The following CATSPERE variants were observed in gnomAD, a reference collection of about 807,000 sequenced individuals.
CATSPERE encodes cation channel sperm-associated auxiliary subunit epsilon.
A neutral mutation model predicts 114.1 loss-of-function variants in CATSPERE; 93 were observed. The observed-to-expected ratio is 0.81, with a 90% CI of 0.69 to 0.97. The LOEUF (loss-of-function observed/expected upper bound fraction) is 0.97. Ranked by LOEUF, CATSPERE falls within the 50% of genes least tolerant of loss-of-function variation. The probability of loss-of-function intolerance (pLI) is 0.00; values close to 1 mark genes in which losing one functional copy is unlikely to be tolerated. For missense variants in CATSPERE, 1,058 were observed against 1,131.6 expected (o/e 0.93, Z 0.93); for synonymous variants, 341 against 384.1 (o/e 0.89, Z 1.31).
intron 8 of CATSPERE, among the ~76,000 whole-genome samples, chr1:244,529,542 G>A (rs1198697856): frequency 6.6e-6 from 1 of 151,920 alleles, no homozygotes; most frequent in Non-Finnish European, 1.5e-5. Context: ...TGTTGTTTGA[G>A]CTCTTTATAT....
intron 17 of CATSPERE, among the ~76,000 whole-genome samples, chr1:244,604,022 T>C (rs1669635822): frequency 6.6e-6 from 1 of 152,204 alleles, no homozygotes; most frequent in Non-Finnish European, 1.5e-5. Context: ...AATAATTCAA[T>C]AGTCTGATGA....
intron 8 of CATSPERE, among the ~76,000 whole-genome samples, chr1:244,542,793 C>G (rs1306107247): frequency 1.3e-5 from 2 of 152,100 alleles, no homozygotes; most frequent in Non-Finnish European, 2.9e-5. Flanking sequence ...CTCACCTAGC[C>G]TTAGATCCCA....
At chr1:244,512,056 G>A (rs1218225916) in intron 7 of CATSPERE, among the ~76,000 whole-genome samples, 3 of 152,210 alleles carry the variant, frequency 2.0e-5, no homozygotes, top group Admixed American at 6.5e-5. Context: ...AGATCTTTGA[G>A]CTTCCTGTAC....
intron 2 of CATSPERE, among the ~76,000 whole-genome samples, chr1:244,470,935 T>G (rs1668377598): frequency 6.6e-6 from 1 of 152,242 alleles, no homozygotes; most frequent in Non-Finnish European, 1.5e-5. Flanking sequence ...GTTGTATGAT[T>G]TCATTCACAT....
intron 17 of CATSPERE, among the ~76,000 whole-genome samples, chr1:244,596,774 AT>A (rs959150676): frequency 5.8e-5 from 8 of 137,300 alleles, no homozygotes; most frequent in African/African-American, 1.9e-4. Context: ...CTAAAGTAAA[AT>A]TTAAAAAAAA....
rs1670530354 is a variant in CATSPERE at position 244,610,247 on chromosome 1, G to T, written c.2411G>T (p.Cys804Phe). ...SFNNTMAQSG[C>F]LHEAQTWKSM... is the part of the protein sequence containing the mutation. Reference sequence around the variant, plus strand: ...TGTGCCATCTTTTGACAGAGTGGTTGTTTACATGAAGCACAGACATGGAAG... The same window carrying T: ...TGTGCCATCTTTTGACAGAGTGGTTTTTTACATGAAGCACAGACATGGAAG... Residue 804 changes from cysteine to phenylalanine, a missense_variant, in exon 19 of 22, where the codon TGT becomes TTT. Around this residue, in one of 2 missense-constraint regions of CATSPERE, gnomAD observed 787 missense variants for 905.6 expected, o/e 0.87. Coordinates refer to ENST00000366534, the MANE Select transcript of CATSPERE (RefSeq NM_001130957.2). 6.2e-7 allele frequency: 1 copy of T among 1,605,720 alleles called. No individual in the cohort carries two copies. The highest frequency in any genetic ancestry group is 8.5e-7 in the Non-Finnish European group (1 of 1,175,620).
At chr1:244,558,138 C>CTTTTT (rs34664118) in intron 9 of CATSPERE, among the ~76,000 whole-genome samples, 9 of 109,476 alleles carry the variant, frequency 8.2e-5, no homozygotes, top group Non-Finnish European at 1.2e-4. Flanking sequence ...CTCTCTCTCT[C>CTTTTT]TTTTTTTTTT....
intron 8 of CATSPERE, among the ~76,000 whole-genome samples, chr1:244,538,531 A>G (rs1680709572): frequency 3.3e-5 from 5 of 152,190 alleles, no homozygotes; most frequent in Admixed American, 2.6e-4. Flanking sequence ...TCCACAAACA[A>G]GAATACCTTT....
chr1:244,520,030 G>C (rs1677261842), intron 8 of CATSPERE, among the ~76,000 whole-genome samples: 1 of 152,026 alleles, frequency 6.6e-6, no homozygotes, highest in Admixed American at 6.6e-5. Context: ...TTATATTCTA[G>C]ATACAAGTCC....
At chr1:244,475,443 A>G (rs1455051973) in intron 2 of CATSPERE, among the ~76,000 whole-genome samples, 1 of 151,940 alleles carries the variant, frequency 6.6e-6, no homozygotes, top group Non-Finnish European at 1.5e-5. Context: ...TATGTTGGCC[A>G]GACTGGTCTC....
chr1:244,629,625 G>C (rs1338994225), intron 20 of CATSPERE, among the ~76,000 whole-genome samples: 1 of 145,264 alleles, frequency 6.9e-6, no homozygotes, highest in Admixed American at 7.0e-5. Context: ...TGAGCCAGCA[G>C]GCTTGGCATT....
chr1:244,622,911 A>C (rs1672578720), intron 20 of CATSPERE, among the ~76,000 whole-genome samples: 1 of 152,086 alleles, frequency 6.6e-6, no homozygotes, highest in Non-Finnish European at 1.5e-5. Context: ...CTTTATTAAC[A>C]TTTACACCCA....
chr1:244,464,772 G>C (rs1042281433), intron 2 of CATSPERE, among the ~76,000 whole-genome samples: 1 of 151,652 alleles, frequency 6.6e-6, no homozygotes, highest in South Asian at 2.1e-4. Context: ...GCATCTCTTC[G>C]CATATTATGT....
At chr1:244,630,786 G>A (rs1327160375) in intron 20 of CATSPERE, among the ~76,000 whole-genome samples, 2 of 151,916 alleles carry the variant, frequency 1.3e-5, no homozygotes, top group East Asian at 3.9e-4. Flanking sequence ...TGAGTGGTTC[G>A]CATCTGATCA....
chr1:244,492,232 A>G (rs1476279106), intron 6 of CATSPERE, among the ~76,000 whole-genome samples: 2 of 152,008 alleles, frequency 1.3e-5, no homozygotes, highest in African/African-American at 4.8e-5. Flanking sequence ...AGCACATCAA[A>G]AAGCTTATCC....
rs1163509397 is a variant in CATSPERE at position 244,461,522 on chromosome 1, G to T, written c.65+28G>T. The T allele has an allele frequency of 3.9e-6, 5 of 1,282,028 alleles. No individual in the cohort carries two copies. In the South Asian group the frequency reaches 8.6e-5, roughly 22 times the overall value. 79.4% of individuals were successfully genotyped at this position (1,282,028 alleles called of 1,614,324 possible). A position where few individuals can be genotyped will look rare whatever the true frequency, so the allele number is the denominator to read the frequency against. On this transcript the variant is annotated intron_variant, in intron 1 of 21. Transcript: ENST00000366534. ...AGAGAGACGCCAGTCGCAGGCGAGC[G>T]ACTAGGCGGGGATTACCCCCGGCGG...
intron 13 of CATSPERE, among the ~76,000 whole-genome samples, chr1:244,584,255 A>G (rs977774051): frequency 6.6e-6 from 1 of 152,188 alleles, no homozygotes; most frequent in Admixed American, 6.5e-5. Flanking sequence ...GCAAAAATAA[A>G]AAGACAGGGT....
At chr1:244,516,796 A>G (rs1454136099) in intron 7 of CATSPERE, among the ~76,000 whole-genome samples, 1 of 152,116 alleles carries the variant, frequency 6.6e-6, no homozygotes, top group Non-Finnish European at 1.5e-5. Flanking sequence ...TGCTGGGATT[A>G]CAGGCATTGA....
At chr1:244,472,044 A>G (rs965907789) in intron 2 of CATSPERE, among the ~76,000 whole-genome samples, 17 of 152,054 alleles carry the variant, frequency 1.1e-4, no homozygotes, top group African/African-American at 3.4e-4. Context: ...CTGCAACCTC[A>G]AACTCCTGGA....
Sources: gnomAD v4.1 joint callset for allele counts (sites outside exome capture counted in the v4.1 genomes callset) on GRCh38, gnomAD v4.1.1 for gene constraint, gnomAD v4.1.1 regional missense constraint, MANE v1.5 for transcripts, NCBI Gene and HGNC (gene_info 2026-07-23, HGNC 2026-07-21) for gene names.